SLC25A48: variants seen among roughly 807,000 people sequenced by gnomAD.
SLC25A48 encodes the protein solute carrier family 25 member 48.
In SLC25A48, 29 loss-of-function variants were observed where a neutral mutation model predicts 32.2. The ratio of observed to expected loss-of-function variants is 0.90; its 90% CI spans 0.67 to 1.23. SLC25A48 has a LOEUF of 1.23. Ranked by LOEUF, SLC25A48 falls within the 50% of genes most tolerant of loss-of-function variation. SLC25A48 has a pLI of 0.00. For missense variants in SLC25A48, 399 were observed against 422.7 expected, an observed-to-expected ratio of 0.94 and a Z score of 0.49; for synonymous variants, 164 against 172.3, an observed-to-expected ratio of 0.95 and a Z score of 0.38.
At chr5:135,786,734 T>C (rs966996507) in intron 3 of SLC25A48, among the ~76,000 whole-genome samples, 3 of 151,952 alleles carry the variant, frequency 2.0e-5, no homozygotes, top group African/African-American at 7.3e-5. Flanking sequence ...CCTGGCGAGA[T>C]GTTATATTTA....
intron 4 of SLC25A48, chr5:135,825,948 C>G (rs1758034556): frequency 6.6e-6 from 1 of 152,228 alleles, no homozygotes; most frequent in African/African-American, 2.4e-5. Flanking sequence ...GCAACAGAAA[C>G]CACTGGAGAG....
intron 1 of SLC25A48, among the ~76,000 whole-genome samples, chr5:135,603,660 T>G (rs6892905): frequency 0.5 from 75,341 of 152,056 alleles, 19,165 homozygotes; most frequent in African/African-American, 0.62. Flanking sequence ...CCTCACTTAG[T>G]GCCCAAGGAA....
intron 3 of SLC25A48, chr5:135,650,097 G>T: frequency 5.3e-6 from 1 of 187,060 alleles, no homozygotes; most frequent in Non-Finnish European, 1.1e-5. Context: ...TATATTTCCT[G>T]CAGTCTCATT....
intron 1 of SLC25A48, among the ~76,000 whole-genome samples, chr5:135,583,041 A>G (rs1418977289): frequency 1.3e-5 from 2 of 152,166 alleles, no homozygotes; most frequent in African/African-American, 2.4e-5. Context: ...TATCTACAAC[A>G]GTGATTGGCA....
In SLC25A48 at chr5:135,778,371, C is replaced by T. The variant is rs978070656; in HGVS notation, c.-520-34152C>T. 2.0e-5 allele frequency among the ~76,000 whole-genome samples: 3 copies of T among 151,092 alleles called. No homozygotes were observed. In the South Asian group the frequency reaches 6.3e-4, roughly 32 times the overall value. On this transcript the variant is annotated intron_variant, in intron 3 of 10. Transcript: ENST00000646290. ...CAATATCGCAGAAGATGTACACCCCCGATGTGATATCGTTCCTAATATTCT... is the reference window on the plus strand; with the variant it reads ...CAATATCGCAGAAGATGTACACCCCTGATGTGATATCGTTCCTAATATTCT...
At chr5:135,839,047 C>T (rs975064973) in intron 1 of SLC25A48, among the ~76,000 whole-genome samples, 4 of 152,226 alleles carry the variant, frequency 2.6e-5, no homozygotes, top group African/African-American at 9.6e-5. Flanking sequence ...CACTCATTGC[C>T]AGCCTCATGG....
intron 4 of SLC25A48, among the ~76,000 whole-genome samples, chr5:135,828,497 T>G (rs1426819019): frequency 1.3e-5 from 2 of 152,232 alleles, no homozygotes; most frequent in African/African-American, 2.4e-5. Flanking sequence ...GAGGCTGAAC[T>G]GCCTGCTCTC....
At chr5:135,744,829 G>C (rs1207058992) in intron 3 of SLC25A48, among the ~76,000 whole-genome samples, 1 of 151,704 alleles carries the variant, frequency 6.6e-6, no homozygotes, top group Non-Finnish European at 1.5e-5. Flanking sequence ...ATCACCTGAG[G>C]TCTGGAGTTC....
intron 1 of SLC25A48, among the ~76,000 whole-genome samples, chr5:135,603,116 C>A (rs1262341039): frequency 6.6e-6 from 1 of 152,182 alleles, no homozygotes; most frequent in Non-Finnish European, 1.5e-5. Flanking sequence ...AGAGGGAAAA[C>A]AGAAAAGTCA....
intron 3 of SLC25A48, among the ~76,000 whole-genome samples, chr5:135,772,804 G>C (rs182531826): frequency 2.0e-4 from 31 of 151,428 alleles, no homozygotes; most frequent in Admixed American, 1.9e-3. Flanking sequence ...ATGTCTCAGG[G>C]GTTGTACAAC....
intron 4 of SLC25A48, among the ~76,000 whole-genome samples, chr5:135,819,805 T>C (rs1017810977): frequency 9.9e-5 from 15 of 152,110 alleles, no homozygotes; most frequent in African/African-American, 3.1e-4. Flanking sequence ...AATATACAAA[T>C]TGGCAGTATG....
chr5:135,722,217 G>A (rs1436170376), intron 3 of SLC25A48, among the ~76,000 whole-genome samples: 1 of 152,148 alleles, frequency 6.6e-6, no homozygotes, highest in Non-Finnish European at 1.5e-5. Context: ...CTCTTTCTTC[G>A]AAATCTCTCA....
chr5:135,691,463 C>T (rs1038555905), intron 3 of SLC25A48, among the ~76,000 whole-genome samples: 57 of 152,310 alleles, frequency 3.7e-4, no homozygotes, highest in African/African-American at 1.3e-3. Context: ...TGTTGCTCTA[C>T]ATGCTTCCCT....
At chr5:135,819,461 G>A (rs1757824329) in intron 4 of SLC25A48, among the ~76,000 whole-genome samples, 1 of 152,192 alleles carries the variant, frequency 6.6e-6, no homozygotes, top group Non-Finnish European at 1.5e-5. Context: ...CAACAGCATA[G>A]ATTAATCTCA....
chr5:135,600,313 G>C (rs2126883164), intron 1 of SLC25A48, among the ~76,000 whole-genome samples: 1 of 152,202 alleles, frequency 6.6e-6, no homozygotes, highest in East Asian at 1.9e-4. Flanking sequence ...TACATTCTCG[G>C]CTGCTCACTG....
At position 135,871,489 on chromosome 5, in the gene SLC25A48, G is replaced by T; in HGVS notation, c.450G>T (p.Val150=). ...DANLGLKSRA[V]APAEQPAYQG... is the part of the protein sequence containing the mutation. ...ACCTCGGTTTGAAGTCCAGGGCAGT[G>T]GCTCCTGCGGAGCAGCCAGCATACC... The change falls in exon 5 of 8, where the codon GTG becomes GTT. Residue 150 remains valine, a synonymous_variant. Coordinates refer to ENST00000681962, the MANE Select transcript of SLC25A48 (RefSeq NM_001349336.2). 1 of 1,602,802 alleles carries T rather than the reference G, an allele frequency of 6.2e-7. No homozygotes were observed. Among genetic ancestry groups the T allele is most frequent in the Non-Finnish European group, 8.5e-7 (1 of 1,172,016 alleles).
At chr5:135,824,542 C>A (rs1019580736) in intron 4 of SLC25A48, 1 of 152,312 alleles carries the variant, frequency 6.6e-6, no homozygotes, top group Non-Finnish European at 1.5e-5. Context: ...CTCCACCTTT[C>A]ACATAGGGCC....
chr5:135,764,487 A>T (rs994080503), intron 3 of SLC25A48, among the ~76,000 whole-genome samples: 5 of 151,770 alleles, frequency 3.3e-5, no homozygotes, highest in African/African-American at 9.7e-5. Context: ...ATGGTTCATG[A>T]TTCTCCAGCA....
At chr5:135,828,843 G>A (rs1758133981) in intron 4 of SLC25A48, among the ~76,000 whole-genome samples, 1 of 152,188 alleles carries the variant, frequency 6.6e-6, no homozygotes, top group South Asian at 2.1e-4. Flanking sequence ...TACAGCCATG[G>A]GGGCTTTGGG....
Sources: gnomAD v4.1 joint callset for allele counts (sites outside exome capture counted in the v4.1 genomes callset) on GRCh38, gnomAD v4.1.1 for gene constraint, MANE v1.5 for transcripts, NCBI Gene and HGNC (gene_info 2026-07-23, HGNC 2026-07-21) for gene names.